Variants in PTPRQ observed in about 807,000 individuals in gnomAD.
The protein encoded by PTPRQ is phosphatidylinositol phosphatase PTPRQ.
PTPRQ carries 199 observed loss-of-function variants against 246.0 expected under a neutral mutation model. That is an observed-to-expected ratio of 0.81 (90% CI 0.72 to 0.91). The LOEUF is 0.91. Ranked by LOEUF, PTPRQ falls within the 40% of genes least tolerant of loss-of-function variation. The pLI, the probability that PTPRQ is intolerant of heterozygous loss-of-function variation, is 0.00. For missense variants in PTPRQ, 2,624 were observed against 2,528.4 expected, an observed-to-expected ratio of 1.04 and a Z score of -0.81; for synonymous variants, 869 against 853.2, an observed-to-expected ratio of 1.02 and a Z score of -0.32.
chr12:80,617,619 A>G (rs577216339), intron 30 of PTPRQ, among the ~76,000 whole-genome samples: 1 of 151,442 alleles, frequency 6.6e-6, no homozygotes, highest in East Asian at 2.0e-4. Flanking sequence ...TCCCATCCCC[A>G]TGCCAGGTTG....
intron 26 of PTPRQ, among the ~76,000 whole-genome samples, chr12:80,601,033 G>A (rs1898125740): frequency 6.6e-6 from 1 of 151,618 alleles, no homozygotes. Context: ...CAGCCAAACA[G>A]TATTCCCTTA....
chr12:80,649,493 G>A (rs1900186120), intron 36 of PTPRQ, 95 bp from the exon 37 acceptor site: 1 of 1,440,924 alleles, frequency 6.9e-7, no homozygotes, highest in East Asian at 2.6e-5. Flanking sequence ...GATGTCCATT[G>A]TTCTTTAACT....
intron 26 of PTPRQ, among the ~76,000 whole-genome samples, chr12:80,598,128 TG>T (rs1371699534): frequency 1.3e-5 from 2 of 151,982 alleles, no homozygotes; most frequent in Non-Finnish European, 2.9e-5. Context: ...TGAACATCCA[TG>T]AATCATTCTT....
At chr12:80,573,905 T>C (rs1377523897) in intron 25 of PTPRQ, among the ~76,000 whole-genome samples, 2 of 152,198 alleles carry the variant, frequency 1.3e-5, no homozygotes, top group Admixed American at 1.3e-4. Flanking sequence ...TTCTATGTAT[T>C]AGTTCCATGT....
chr12:80,499,776 G>A (rs2400721), intron 14 of PTPRQ, among the ~76,000 whole-genome samples: 45,530 of 151,702 alleles, frequency 0.3, 8,182 homozygotes, highest in African/African-American at 0.5. Flanking sequence ...CTGTGTGTGT[G>A]TGTGTGTATC....
chr12:80,597,345 T>C (rs1458405837), intron 26 of PTPRQ, among the ~76,000 whole-genome samples: 2 of 152,020 alleles, frequency 1.3e-5, no homozygotes, highest in African/African-American at 2.4e-5. Context: ...CAGAGCTTCA[T>C]GGTAGCATGA....
At chr12:80,590,247 A>G (rs1307323627) in intron 26 of PTPRQ, among the ~76,000 whole-genome samples, 5 of 152,042 alleles carry the variant, frequency 3.3e-5, no homozygotes, top group Admixed American at 3.3e-4. Context: ...AAATTCCTCC[A>G]TTTGCATTAC....
chr12:80,455,081 G>A (rs958759726), intron 3 of PTPRQ, among the ~76,000 whole-genome samples: 1 of 152,174 alleles, frequency 6.6e-6, no homozygotes, highest in Non-Finnish European at 1.5e-5. Flanking sequence ...GTTGAGGCAG[G>A]AGAGTCACTT....
intron 8 of PTPRQ, among the ~76,000 whole-genome samples, chr12:80,481,486 A>C (rs1440406240): frequency 6.6e-6 from 1 of 152,130 alleles, no homozygotes; most frequent in Non-Finnish European, 1.5e-5. Flanking sequence ...GCCCCCTCTC[A>C]CCACTCCTAT....
chr12:80,658,853 G>A (rs950907400), intron 39 of PTPRQ, among the ~76,000 whole-genome samples: 5 of 151,786 alleles, frequency 3.3e-5, no homozygotes, highest in African/African-American at 4.8e-5. Context: ...CTTATCCATA[G>A]GTCTTCTCAT....
chr12:80,530,429 T>C (rs975320033), intron 17 of PTPRQ, among the ~76,000 whole-genome samples: 1 of 152,186 alleles, frequency 6.6e-6, no homozygotes, highest in Non-Finnish European at 1.5e-5. Context: ...TTACATTTTG[T>C]TGGATTTTGT....
At chr12:80,524,487 G>A (rs948490846) in intron 17 of PTPRQ, among the ~76,000 whole-genome samples, 1 of 152,036 alleles carries the variant, frequency 6.6e-6, no homozygotes, top group Non-Finnish European at 1.5e-5. Flanking sequence ...TTTATCAGCA[G>A]CGTAAAAACA....
chr12:80,549,093 A>G (rs528712257), intron 24 of PTPRQ, among the ~76,000 whole-genome samples: 2 of 152,260 alleles, frequency 1.3e-5, no homozygotes, highest in Admixed American at 6.5e-5. Context: ...TTGCATAAAA[A>G]TGTTCCATAA....
chr12:80,526,469 G>C (rs1353870153), intron 17 of PTPRQ, among the ~76,000 whole-genome samples: 1 of 152,030 alleles, frequency 6.6e-6, no homozygotes, highest in Non-Finnish European at 1.5e-5. Context: ...ATATAGTAAG[G>C]TGAAGGTGAT....
intron 17 of PTPRQ, among the ~76,000 whole-genome samples, chr12:80,532,377 C>T (rs2120799471): frequency 6.6e-6 from 1 of 152,018 alleles, no homozygotes; most frequent in East Asian, 1.9e-4. Flanking sequence ...CTGCCCACCA[C>T]GCAGGGCTAA....
chr12:80,672,509 A>G (rs1901002240), intron 42 of PTPRQ, among the ~76,000 whole-genome samples: 1 of 151,890 alleles, frequency 6.6e-6, no homozygotes, highest in African/African-American at 2.4e-5. Context: ...TCCTCTATTA[A>G]CCATTTAATT....
chr12:80,505,942 T>C lies in PTPRQ; in HGVS notation c.2273-82T>C, dbSNP rs11114485. On this transcript the variant is annotated intron_variant, in intron 14 of 44. Coordinates refer to ENST00000644991, the MANE Select transcript of PTPRQ (RefSeq NM_001145026.2). The stretch of plus-strand genomic sequence containing the variant: ...AGTGAAGGTTCAATTGTAAATAACC[T>C]AGTGCACTTCAGTGACAATTTCAGC... 19,641 of 1,431,380 alleles carry C rather than the reference T, an allele frequency of 0.014. 1,099 individuals carry two copies. In the African/African-American group the frequency reaches 0.15, roughly 11 times the overall value. 88.7% of individuals were successfully genotyped at this position (1,431,380 alleles called of 1,614,324 possible). A position where few individuals can be genotyped will look rare whatever the true frequency, so the allele number is the denominator to read the frequency against.
At chr12:80,654,252 G>T (rs1426522333) in intron 38 of PTPRQ, among the ~76,000 whole-genome samples, 1 of 152,072 alleles carries the variant, frequency 6.6e-6, no homozygotes, top group Admixed American at 6.5e-5. Context: ...GTGCCGCCAT[G>T]CCCAGCTAAT....
chr12:80,621,061 T>C (rs1224200979), intron 32 of PTPRQ, among the ~76,000 whole-genome samples: 4 of 151,924 alleles, frequency 2.6e-5, no homozygotes, highest in African/African-American at 9.7e-5. Context: ...TTTTTACTAG[T>C]AATTTTTTAA....
Sources: allele counts gnomAD v4.1 joint callset (sites outside exome capture counted in the v4.1 genomes callset), GRCh38; gene constraint gnomAD v4.1.1; transcripts MANE v1.5; gene names NCBI Gene and HGNC (gene_info 2026-07-23, HGNC 2026-07-21).